KCNK9: variants seen among roughly 807,000 people sequenced by gnomAD.
KCNK9 encodes the protein potassium channel subfamily K member 9.
KCNK9 carries 1 observed loss-of-function variant against 10.8 expected under a neutral mutation model. The ratio of observed to expected loss-of-function variants is 0.09; its 90% CI spans 0.03 to 0.44. KCNK9 has a LOEUF of 0.44. Among genes scored for constraint, KCNK9 ranks in the 20% least tolerant of loss-of-function variants. KCNK9 has a pLI of 0.97. For missense variants in KCNK9, 303 were observed against 515.0 expected (o/e 0.59, Z 3.98); for synonymous variants, 231 against 222.7 (o/e 1.04, Z -0.33).
At chr8:139,700,228 G>T (rs970848595) in intron 1 of KCNK9, among the ~76,000 whole-genome samples, 1 of 152,144 alleles carries the variant, frequency 6.6e-6, no homozygotes, top group Non-Finnish European at 1.5e-5. Context: ...ACTAAGTGCC[G>T]GCCACACTGT....
At chr8:139,657,466 C>G (rs931122081) in intron 1 of KCNK9, among the ~76,000 whole-genome samples, 1 of 152,124 alleles carries the variant, frequency 6.6e-6, no homozygotes, top group Admixed American at 6.5e-5. Context: ...GTGGCAGCTG[C>G]CAGGGACACC....
chr8:139,626,921 C>T (rs758834305), intron 1 of KCNK9, among the ~76,000 whole-genome samples: 4 of 152,196 alleles, frequency 2.6e-5, no homozygotes, highest in African/African-American at 7.2e-5. Context: ...CGGAAGCCTG[C>T]GGCAAGCATC....
intron 1 of KCNK9, among the ~76,000 whole-genome samples, chr8:139,668,974 A>C (rs183419409): frequency 6.6e-6 from 1 of 152,360 alleles, no homozygotes; most frequent in Non-Finnish European, 1.5e-5. Flanking sequence ...AAGCAATAGC[A>C]ATAAAGCAAG....
chr8:139,659,701 A>C (rs967849687), intron 1 of KCNK9, among the ~76,000 whole-genome samples: 1 of 108,872 alleles, frequency 9.2e-6, no homozygotes, highest in Non-Finnish European at 1.9e-5. Context: ...TTTTTTTGGT[A>C]TTTTTAGTAG....
downstream of KCNK9, among the ~76,000 whole-genome samples, chr8:139,608,090 C>T (rs1285057449): frequency 1.3e-5 from 2 of 152,200 alleles, no homozygotes; most frequent in Admixed American, 6.5e-5. Flanking sequence ...CCTCCCTCCT[C>T]GAAATCAAGC....
chr8:139,654,175 G>C (rs1391889350), intron 1 of KCNK9, among the ~76,000 whole-genome samples: 1 of 152,118 alleles, frequency 6.6e-6, no homozygotes, highest in African/African-American at 2.4e-5. Flanking sequence ...CTGAGGAATA[G>C]CTGAAGTTTG....
intron 1 of KCNK9, among the ~76,000 whole-genome samples, chr8:139,685,685 A>G (rs533270384): frequency 1.0e-3 from 154 of 152,240 alleles, no homozygotes; most frequent in African/African-American, 3.6e-3. Context: ...TCTATTATTG[A>G]TGGACATTTG....
intron 1 of KCNK9, among the ~76,000 whole-genome samples, chr8:139,648,559 T>A (rs564350743): frequency 1.1e-3 from 165 of 152,290 alleles, no homozygotes; most frequent in African/African-American, 3.9e-3. Flanking sequence ...TAGCCCAGCA[T>A]ACAAATTCAG....
chr8:139,613,314 G>T (rs75613314), downstream of KCNK9, among the ~76,000 whole-genome samples: 86 of 152,288 alleles, frequency 5.6e-4, no homozygotes, highest in East Asian at 0.01. Context: ...AACATAGAAG[G>T]TCAGTGTGGG....
At chr8:139,628,668 T>C (rs1031676278) in intron 1 of KCNK9, among the ~76,000 whole-genome samples, 3 of 152,244 alleles carry the variant, frequency 2.0e-5, no homozygotes, top group Non-Finnish European at 2.9e-5. Context: ...TTTCCTCATA[T>C]GATTTATTAT....
chr8:139,601,050 C>T (rs1817352794), downstream of KCNK9: 1 of 152,152 alleles, frequency 6.6e-6, no homozygotes, highest in African/African-American at 2.4e-5. Flanking sequence ...AGTCCCCGCC[C>T]CAGGGAGCAC....
rs148651918 is a variant in KCNK9 at position 139,623,892 on chromosome 8, G to A, written c.284-4793C>T. 5.0e-3 allele frequency among the ~76,000 whole-genome samples: 765 copies of A among 152,258 alleles called. 7 individuals are homozygous for A. Among genetic ancestry groups the A allele is most frequent in the African/African-American group, 0.018 (728 of 41,532 alleles). ...CCAGGACTCCCAGAGGGGCGCCTCCGACTGCGGGTGAGATCTAGCCAAGCA... is the reference window on the plus strand; with the variant it reads ...CCAGGACTCCCAGAGGGGCGCCTCCAACTGCGGGTGAGATCTAGCCAAGCA... On this transcript the variant is annotated intron_variant, in intron 1 of 1. Coordinates refer to ENST00000520439, the MANE Select transcript of KCNK9 (RefSeq NM_001282534.2).
At chr8:139,650,969 T>C (rs1815844788) in intron 1 of KCNK9, among the ~76,000 whole-genome samples, 1 of 152,126 alleles carries the variant, frequency 6.6e-6, no homozygotes, top group African/African-American at 2.4e-5. Context: ...TTTGCTCCTA[T>C]AAATGCTGAA....
Position 139,618,216 on chromosome 8 carries a change from A to C in KCNK9, c.*42T>G. ...GTTGGACCAATGGAAATTAACACCA[A>C]CTATGACAAATGACTTTTCTGTCCC... is the stretch of plus-strand genomic sequence containing the variant. On this transcript the variant is annotated 3_prime_UTR_variant, in exon 2 of 2. Transcript: ENST00000520439. The surrounding 1 kb of genome is among the most constrained non-coding windows in gnomAD (Gnocchi z 7.9). The C allele has an allele frequency of 4.3e-6, 7 of 1,613,840 alleles. No individual in the cohort carries two copies. The highest frequency in any genetic ancestry group is 5.1e-6 in the Non-Finnish European group (6 of 1,179,778).
chr8:139,674,646 T>C (rs994163537), intron 1 of KCNK9, among the ~76,000 whole-genome samples: 1 of 152,196 alleles, frequency 6.6e-6, no homozygotes, highest in African/African-American at 2.4e-5. Flanking sequence ...CTCATGCCTC[T>C]GCAGTGCCTC....
At chr8:139,700,969 C>T (rs1054747429) in intron 1 of KCNK9, among the ~76,000 whole-genome samples, 2 of 152,216 alleles carry the variant, frequency 1.3e-5, no homozygotes, top group Non-Finnish European at 2.9e-5. Context: ...GCATGCTAGC[C>T]AAATTCACCT....
In KCNK9 at chr8:139,693,349, T is replaced by A. The variant is rs1039916656; in HGVS notation, c.283+9361A>T. On this transcript the variant is annotated intron_variant, in intron 1 of 1. Coordinates refer to ENST00000520439, the MANE Select transcript of KCNK9 (RefSeq NM_001282534.2). This position sits in a 1 kb window ranked among gnomAD's most constrained non-coding sequence, Gnocchi z 4.1. ...CTCCCCACTCAGCAGGACAGATCCC[T>A]AACCTGTTGTCTTCCATTAAAAGCA... Among the ~76,000 whole-genome samples the A allele has an allele frequency of 3.9e-5, 6 of 152,164 alleles. No individual in the cohort carries two copies. Among genetic ancestry groups the A allele is most frequent in the Admixed American group, 1.3e-4 (2 of 15,280 alleles).
At chr8:139,643,194 A>G (rs915338185) in intron 1 of KCNK9, among the ~76,000 whole-genome samples, 1 of 152,126 alleles carries the variant, frequency 6.6e-6, no homozygotes, top group Non-Finnish European at 1.5e-5. Context: ...GGGGCTGCAC[A>G]CCAGCACCAG....
Position 139,680,021 on chromosome 8 carries a change from T to C in KCNK9, c.283+22689A>G, listed in dbSNP as rs1055233347. ...CCAGGCATGGGCCTTCCTGGGTGCA[T>C]GGTCTGGGGACCATGGCTCCCACCC... is the stretch of plus-strand genomic sequence containing the variant. On this transcript the variant is annotated intron_variant, in intron 1 of 1. Coordinates refer to ENST00000520439, the MANE Select transcript of KCNK9 (RefSeq NM_001282534.2). Among the ~76,000 whole-genome samples, 34 of 152,170 alleles carry C rather than the reference T, an allele frequency of 2.2e-4. 1 individual carries two copies. The highest frequency in any genetic ancestry group is 8.0e-4 in the African/African-American group (33 of 41,432).
Sources: allele counts gnomAD v4.1 joint callset (sites outside exome capture counted in the v4.1 genomes callset), GRCh38; gene constraint gnomAD v4.1.1; non-coding constraint Gnocchi (gnomAD v3.1); transcripts MANE v1.5; gene names NCBI Gene and HGNC (gene_info 2026-07-23, HGNC 2026-07-21).